Variants in UGT1A6 observed in about 807,000 individuals in gnomAD.
The protein encoded by UGT1A6 is UDP-glucuronosyltransferase 1A6.
In UGT1A6, 32 loss-of-function variants were observed where a neutral mutation model predicts 44.4. The observed-to-expected ratio is 0.72, with a 90% confidence interval of 0.54 to 0.97. UGT1A6 has a LOEUF of 0.97. Ranked by LOEUF, UGT1A6 falls within the 50% of genes least tolerant of loss-of-function variation. UGT1A6 has a pLI of 0.00. For synonymous variants in UGT1A6, 238 were observed against 248.5 expected (o/e 0.96, Z 0.40); for missense variants, 685 against 661.9 (o/e 1.03, Z -0.38).
Position 233,767,048 on chromosome 2 carries a change from C to T in UGT1A6, c.876C>T (p.Tyr292=), listed in dbSNP as rs1206098754. Residue 292 remains tyrosine (Y), a synonymous_variant, in exon 2 of 5, where the codon TAC becomes TAT. Transcript: ENST00000305139. ...TCTGGCTCTAGGAATTTGAAGCCTACATTAATGCTTCTGGAGAACATGGAA... is the reference window on the plus strand; with the variant it reads ...TCTGGCTCTAGGAATTTGAAGCCTATATTAATGCTTCTGGAGAACATGGAA... ...RKDLSQEFEA[Y]INASGEHGIV... 1.9e-6 allele frequency: 3 copies of T among 1,614,068 alleles called. No homozygotes were observed. Among genetic ancestry groups the T allele is most frequent in the Admixed American group, 3.3e-5 (2 of 60,010 alleles).
chr2:233,706,413 C>T (rs1371560108), intron 1 of UGT1A6, among the ~76,000 whole-genome samples: 2 of 152,242 alleles, frequency 1.3e-5, no homozygotes, highest in Admixed American at 6.5e-5. Context: ...TCAAACTTCA[C>T]GTGGTCTTTC....
chr2:233,769,456 T>C lies in UGT1A6; in HGVS notation c.1301+1017T>C, dbSNP rs1699869173. On this transcript the variant is annotated intron_variant, in intron 4 of 4. Coordinates refer to ENST00000305139, the MANE Select transcript of UGT1A6 (RefSeq NM_001072.4). This position sits in a 1 kb window ranked among gnomAD's most constrained non-coding sequence, Gnocchi z 4.4. ...TCATGTGTGGGTGCACACGTGTGCA[T>C]TCATATGCGTGTGTGTGTGTGTGCG... 2 of 1,598,818 alleles carry C rather than the reference T, an allele frequency of 1.3e-6. No homozygotes were observed. The highest frequency in any genetic ancestry group is 2.2e-5 in the East Asian group (1 of 44,796).
chr2:233,711,396 C>A (rs1349314535), intron 1 of UGT1A6, among the ~76,000 whole-genome samples: 1 of 152,234 alleles, frequency 6.6e-6, no homozygotes, highest in Non-Finnish European at 1.5e-5. Context: ...TGTGTTCCAC[C>A]CTCACCCCGG....
At chr2:233,722,949 G>C (rs2077051910) in intron 1 of UGT1A6, among the ~76,000 whole-genome samples, 2 of 134,510 alleles carry the variant, frequency 1.5e-5, no homozygotes, top group South Asian at 5.6e-4. Flanking sequence ...AGTGGGCTGA[G>C]GAGGAGGAGG....
At chr2:233,728,657 C>A (rs541048622) in intron 1 of UGT1A6, among the ~76,000 whole-genome samples, 28 of 152,298 alleles carry the variant, frequency 1.8e-4, no homozygotes, top group African/African-American at 6.5e-4. Flanking sequence ...TTTGGATGCG[C>A]TGCGTTACTC....
intron 1 of UGT1A6, among the ~76,000 whole-genome samples, chr2:233,761,952 C>G (rs1458039003): frequency 6.6e-6 from 1 of 152,184 alleles, no homozygotes; most frequent in Non-Finnish European, 1.5e-5. Context: ...CGTCTGGCTC[C>G]CATTAAGGGG....
chr2:233,742,128 C>T (rs1691880797), intron 1 of UGT1A6, among the ~76,000 whole-genome samples: 1 of 151,756 alleles, frequency 6.6e-6, no homozygotes, highest in Admixed American at 6.5e-5. Flanking sequence ...TCGTGGAGAC[C>T]CTAACCCAGC....
chr2:233,693,267 A>G lies in UGT1A6; in HGVS notation c.263A>G (p.Lys88Arg), dbSNP rs759897162. The G allele has an allele frequency of 1.2e-5, 19 of 1,614,050 alleles. No individual in the cohort carries two copies. In the Admixed American group the frequency reaches 3.2e-4, roughly 27 times the overall value. ...GTGCCGTATGACCAAGAAGAGCTGAAGAACCGTTACCAATCATTTGGAAAC... is the reference window on the plus strand; with the variant it reads ...GTGCCGTATGACCAAGAAGAGCTGAGGAACCGTTACCAATCATTTGGAAAC... Reference protein sequence around the residue: ...YPVPYDQEELKNRYQSFGNNH... With the variant: ...YPVPYDQEELRNRYQSFGNNH... The change falls in exon 1 of 5, where the codon AAG becomes AGG. Residue 88 changes from lysine to arginine, a missense_variant. Transcript: ENST00000305139.
At chr2:233,741,636 G>A (rs776299256) in intron 1 of UGT1A6, 1 of 151,906 alleles carries the variant, frequency 6.6e-6, no homozygotes, top group Non-Finnish European at 1.5e-5. Flanking sequence ...GCCCCTGTGG[G>A]ATGGTGCCAG....
intron 1 of UGT1A6, among the ~76,000 whole-genome samples, chr2:233,715,035 T>C (rs2076429171): frequency 6.6e-6 from 1 of 152,024 alleles, no homozygotes; most frequent in East Asian, 1.9e-4. Flanking sequence ...TGGCACCACA[T>C]CCAGCTAATT....
chr2:233,747,214 A>T, intron 1 of UGT1A6: 1 of 1,605,452 alleles, frequency 6.2e-7, no homozygotes, highest in Non-Finnish European at 8.5e-7. Flanking sequence ...TTCTGCTGAG[A>T]TGGCCACAGG....
chr2:233,728,187 T>G (rs1430038112), intron 1 of UGT1A6, among the ~76,000 whole-genome samples: 5 of 152,222 alleles, frequency 3.3e-5, no homozygotes, highest in Non-Finnish European at 7.3e-5. Flanking sequence ...TATCAGAACT[T>G]GGTGCTGGAT....
At position 233,754,818 on chromosome 2, in the gene UGT1A6, T is replaced by C. The variant is rs536023413; in HGVS notation, c.862-12216T>C. The stretch of plus-strand genomic sequence containing the variant: ...TGTATCAAAAGAAGAAAAACCACCC[T>C]CAAAAGCTGGAAATTCACTGAAGGC... On this transcript the variant is annotated intron_variant, in intron 1 of 4. Transcript: ENST00000305139. 419 of 1,332,122 alleles carry C rather than the reference T, an allele frequency of 3.1e-4. 1 individual carries two copies. The highest frequency in any genetic ancestry group is 3.7e-4 in the Non-Finnish European group (370 of 994,872). The allele number at this position is 1,332,122 out of a possible 1,614,324, so 82.5% of individuals were successfully genotyped here.
At chr2:233,694,827 CAT>C (rs1183581356) in intron 1 of UGT1A6, among the ~76,000 whole-genome samples, 2 of 152,188 alleles carry the variant, frequency 1.3e-5, no homozygotes, top group African/African-American at 4.8e-5. Flanking sequence ...GAAATAAAAA[CAT>C]AGAATGTCAG....
chr2:233,732,474 A>C (rs866244589), intron 1 of UGT1A6, among the ~76,000 whole-genome samples: 34 of 152,356 alleles, frequency 2.2e-4, no homozygotes, highest in African/African-American at 6.3e-4. Flanking sequence ...TCCATCTGGA[A>C]TTAATTTTTG....
chr2:233,744,011 C>G, intron 1 of UGT1A6: 1 of 1,116,884 alleles, frequency 9.0e-7, no homozygotes, highest in South Asian at 1.5e-5. Flanking sequence ...AGACCTGGGC[C>G]GCCTGGAGAG....
In UGT1A6 at chr2:233,693,263, C is replaced by A. The variant is rs2075141941; in HGVS notation, c.259C>A (p.Leu87Met). Residue 87 changes from leucine to methionine, a missense_variant, in exon 1 of 5, where the codon CTG becomes ATG. Leu to Met is a conservative substitution (Grantham distance 15). Transcript: ENST00000305139. ...IYPVPYDQEELKNRYQSFGNN... is the reference protein window; with the variant it reads ...IYPVPYDQEEMKNRYQSFGNN... The stretch of plus-strand genomic sequence containing the variant: ...TCCAGTGCCGTATGACCAAGAAGAG[C>A]TGAAGAACCGTTACCAATCATTTGG... 1.2e-6 allele frequency: 2 copies of A among 1,613,974 alleles called. No individual in the cohort carries two copies. Among genetic ancestry groups the A allele is most frequent in the African/African-American group, 2.7e-5 (2 of 74,922 alleles).
chr2:233,743,342 T>C, intron 1 of UGT1A6: 7 of 858,096 alleles, frequency 8.2e-6, no homozygotes, highest in Non-Finnish European at 1.0e-5. Context: ...TCAGTGGAAG[T>C]CGACATGGAC....
intron 1 of UGT1A6, among the ~76,000 whole-genome samples, chr2:233,734,811 T>G: frequency 6.6e-6 from 1 of 152,238 alleles, no homozygotes; most frequent in East Asian, 1.9e-4. Context: ...AGTTTCCATG[T>G]AGTTGTGCGA....
Sources: gnomAD v4.1 joint callset for allele counts (sites outside exome capture counted in the v4.1 genomes callset) on GRCh38, gnomAD v4.1.1 for gene constraint, Gnocchi (gnomAD v3.1) non-coding constraint, MANE v1.5 for transcripts, NCBI Gene and HGNC (gene_info 2026-07-23, HGNC 2026-07-21) for gene names.